ZNF227: variants seen among roughly 807,000 people sequenced by gnomAD.
ZNF227 encodes the protein zinc finger protein 227.
Under a neutral mutation model 13.2 loss-of-function variants are expected in ZNF227, and 12 were observed. The ratio of observed to expected loss-of-function variants is 0.91; its 90% CI spans 0.58 to 1.47. ZNF227 has a LOEUF of 1.47. Ranked by LOEUF, ZNF227 falls within the 40% of genes most tolerant of loss-of-function variation. The pLI is 0.00. For synonymous variants in ZNF227, 338 were observed against 326.0 expected (o/e 1.04, Z -0.40); for missense variants, 885 against 967.5 (o/e 0.91, Z 1.13).
chr19:44,228,465 A>T lies in ZNF227; in HGVS notation c.80A>T (p.Asp27Val), dbSNP rs1335897918. The T allele has an allele frequency of 6.2e-7, 1 of 1,613,076 alleles. No homozygotes were observed. Among genetic ancestry groups the T allele is most frequent in the African/African-American group, 1.3e-5 (1 of 74,654 alleles). Residue 27 changes from aspartate to valine, a missense_variant, in exon 4 of 6, where the codon GAT becomes GTT. Coordinates refer to ENST00000313040, the MANE Select transcript of ZNF227 (RefSeq NM_182490.3). ...TTGTAGGAGGCTGTGACATTCAAGG[A>T]TGTGGCTGTGGTCTTCTCCAGGGAG... ...TKFQEAVTFK[D>V]VAVVFSREEL... is the part of the protein sequence containing the mutation.
In ZNF227 at chr19:44,234,970, T is replaced by C; in HGVS notation, c.540T>C (p.Asn180=). 6.2e-7 allele frequency: 1 copy of C among 1,614,134 alleles called. No homozygotes were observed. The highest frequency in any genetic ancestry group is 1.3e-5 in the African/African-American group (1 of 75,046). Residue 180 remains asparagine (N), a synonymous_variant, in exon 6 of 6, where the codon AAT becomes AAC. Transcript: ENST00000313040. ...GGAGAACCCAGCATTCTTGCGGGAA[T>C]ACATATCTGAGTGAGTCACAGATTC... ...PFWRTQHSCG[N]TYLSESQIQS... is the part of the protein sequence containing the mutation.
chr19:44,229,507 G>A (rs1335951920), intron 4 of ZNF227, among the ~76,000 whole-genome samples: 1 of 152,174 alleles, frequency 6.6e-6, no homozygotes, highest in Non-Finnish European at 1.5e-5. Flanking sequence ...AACTACTCGG[G>A]AGGCTGAGGC....
chr19:44,236,699 GCACGTCTTGAAGCCCATCAGAGAGTC>G lies in ZNF227; in HGVS notation c.2273_2298del (p.Arg758HisfsTer9), dbSNP rs763966539. On this transcript the variant is annotated frameshift_variant, in exon 6 of 6. Transcript: ENST00000313040. LOFTEE classifies it low-confidence loss of function (END_TRUNC). ...GTGTGGTAAAGGCTTCAGTCAGAGT[GCACGTCTTGAAGCCCATCAGAGAGTC>G]CACACTGGAGAAAAACCATACAAAT... 1 of 1,603,204 alleles carries G rather than the reference GCACGTCTTGAAGCCCATCAGAGAGTC, an allele frequency of 6.2e-7. No individual in the cohort carries two copies. Among genetic ancestry groups the G allele is most frequent in the Non-Finnish European group, 8.5e-7 (1 of 1,175,650 alleles).
rs762190689 is a variant in ZNF227 at position 44,235,490 on chromosome 19, T to TG, written c.1061dup (p.Cys354TrpfsTer6). The TG allele has an allele frequency of 5.6e-6, 9 of 1,614,012 alleles. No homozygotes were observed. Among genetic ancestry groups the TG allele is most frequent in the South Asian group, 1.1e-5 (1 of 91,086 alleles). ...TCATACTGGAGAGAAACCCTATAAA[T>TG]GCGAGGAATGTGGTAAATGCTTTAG... On this transcript the variant is annotated frameshift_variant, in exon 6 of 6. Transcript: ENST00000313040. LOFTEE classifies it low-confidence loss of function (END_TRUNC).
chr19:44,225,063 A>C (rs1256133394), intron 3 of ZNF227, among the ~76,000 whole-genome samples: 10 of 152,076 alleles, frequency 6.6e-5, no homozygotes, highest in Non-Finnish European at 1.2e-4. Flanking sequence ...CTGGGTTGAA[A>C]ATTCTTTTCT....
At chr19:44,211,438 T>G (rs899541929), upstream of ZNF227, among the ~76,000 whole-genome samples, 1 of 152,208 alleles carries the variant, frequency 6.6e-6, no homozygotes, top group Non-Finnish European at 1.5e-5. Flanking sequence ...GCTCTCTTCT[T>G]TCAACCCTCA....
chr19:44,230,926 A>AAAT (rs1555792168), intron 5 of ZNF227, among the ~76,000 whole-genome samples: 2 of 68,134 alleles, frequency 2.9e-5, no homozygotes, highest in Non-Finnish European at 4.7e-5. Context: ...AAAAAAAAAA[A>AAAT]ATATATATAT....
At position 44,214,059 on chromosome 19, in the gene ZNF227, T is replaced by G. The variant is rs1056600265; in HGVS notation, c.-3+815T>G. 2.6e-5 allele frequency among the ~76,000 whole-genome samples: 4 copies of G among 152,236 alleles called. 1 individual carries two copies. The highest frequency in any genetic ancestry group is 2.6e-4 in the Admixed American group (4 of 15,274). ...AATGTAAGATGGCTCATTGATAATT[T>G]TTTGTATTATATGTCAAAATGGTAA... On this transcript the variant is annotated intron_variant, in intron 2 of 5. Transcript: ENST00000313040.
At chr19:44,217,680 G>A (rs772201856) in intron 2 of ZNF227, 111 bp from the exon 3 acceptor site, 75 of 1,134,700 alleles carry the variant, frequency 6.6e-5, no homozygotes, top group Non-Finnish European at 8.6e-5. Flanking sequence ...TGCTTACCAA[G>A]CTGTATGTGG....
chr19:44,229,838 C>T, intron 5 of ZNF227, 22 bp downstream of exon 5: 1 of 1,513,506 alleles, frequency 6.6e-7, no homozygotes, highest in South Asian at 1.3e-5. Flanking sequence ...GGTGAGAACC[C>T]TGTGTCTGTT....
rs1974571991 is a variant in ZNF227 at position 44,236,919 on chromosome 19, C to A, written c.*89C>A. ...GCTGGTGGTAAACCCTGTAAAACTA[C>A]TGAGAGTGGAAGGGGGTTTGTTCAC... On this transcript the variant is annotated 3_prime_UTR_variant, in exon 6 of 6. Coordinates refer to ENST00000313040, the MANE Select transcript of ZNF227 (RefSeq NM_182490.3). 8.6e-6 allele frequency: 9 copies of A among 1,044,630 alleles called. No individual in the cohort carries two copies. The highest frequency in any genetic ancestry group is 1.2e-5 in the Non-Finnish European group (9 of 730,342). The allele number at this position is 1,044,630 out of a possible 1,614,324, so 64.7% of individuals were successfully genotyped here.
At chr19:44,229,840 G>C (rs1334001202) in intron 5 of ZNF227, 24 bp downstream of exon 5, 4 of 1,507,570 alleles carry the variant, frequency 2.7e-6, no homozygotes, top group Admixed American at 1.9e-5. Flanking sequence ...TGAGAACCCT[G>C]TGTCTGTTCT....
chr19:44,236,486 A>G lies in ZNF227; in HGVS notation c.2056A>G (p.Lys686Glu). The G allele has an allele frequency of 6.2e-7, 1 of 1,614,118 alleles. No homozygotes were observed. Among genetic ancestry groups the G allele is most frequent in the South Asian group, 1.1e-5 (1 of 91,086 alleles). Reference protein sequence around the residue: ...IYHQRGHTGEKPYKCEECGKG... With the variant: ...IYHQRGHTGEEPYKCEECGKG... ...CCATCAGAGAGGCCACACTGGAGAA[A>G]AACCTTACAAATGTGAAGAGTGTGG... is the stretch of plus-strand genomic sequence containing the variant. The change falls in exon 6 of 6, where the codon AAA becomes GAA. Residue 686 changes from lysine (K) to glutamate (E), a missense_variant. Transcript: ENST00000313040.
At chr19:44,215,999 AAAAAAAAAAAAGATGTACCTTT>A (rs1174191163) in intron 2 of ZNF227, among the ~76,000 whole-genome samples, 1 of 139,540 alleles carries the variant, frequency 7.2e-6, no homozygotes, top group Admixed American at 7.8e-5. Context: ...TAAAAAAAAA[AAAAAAAAAAAAGATGTACCTTT>A]AAAAAAAAAA....
chr19:44,218,546 ATGTTTT>A (rs1972125314), intron 3 of ZNF227, among the ~76,000 whole-genome samples: 1 of 152,146 alleles, frequency 6.6e-6, no homozygotes, highest in South Asian at 2.1e-4. Context: ...TTTCCCGTTT[ATGTTTT>A]TATCACTCAT....
intron 3 of ZNF227, among the ~76,000 whole-genome samples, chr19:44,221,111 A>T (rs1972459446): frequency 6.6e-6 from 1 of 152,116 alleles, no homozygotes; most frequent in South Asian, 2.1e-4. Flanking sequence ...GTGCTGCAAT[A>T]AACATACGTG....
upstream of ZNF227, chr19:44,207,698 C>G (rs2122613638): frequency 6.6e-6 from 1 of 152,574 alleles, no homozygotes; most frequent in African/African-American, 2.4e-5. Context: ...AGCTGGGAGG[C>G]TGGAGTTGGG....
At chr19:44,210,960 G>A (rs1971335395), upstream of ZNF227, among the ~76,000 whole-genome samples, 1 of 152,126 alleles carries the variant, frequency 6.6e-6, no homozygotes, top group Non-Finnish European at 1.5e-5. Flanking sequence ...TTGGGAGGCC[G>A]GGGCGGGTGG....
chr19:44,224,525 CTTCT>C (rs560914108), intron 3 of ZNF227, among the ~76,000 whole-genome samples: 5 of 152,218 alleles, frequency 3.3e-5, no homozygotes, highest in South Asian at 4.1e-4. Flanking sequence ...ATGTAATGGC[CTTCT>C]TTGTCTCTTT....
Sources: allele counts gnomAD v4.1 joint callset (sites outside exome capture counted in the v4.1 genomes callset), GRCh38; gene constraint gnomAD v4.1.1; transcripts MANE v1.5; gene names NCBI Gene and HGNC (gene_info 2026-07-23, HGNC 2026-07-21).